The following FAP variants were observed in gnomAD, a reference collection of about 807,000 sequenced individuals.
The protein encoded by FAP is prolyl endopeptidase FAP.
A neutral mutation model predicts 126.5 loss-of-function variants in FAP; 110 were observed. The ratio of observed to expected loss-of-function variants is 0.87; its 90% confidence interval spans 0.74 to 1.02. FAP has a LOEUF of 1.02. Ranked by LOEUF, FAP falls within the 50% of genes least tolerant of loss-of-function variation. FAP has a pLI of 0.00. For missense variants in FAP, 919 were observed against 909.2 expected (o/e 1.01, Z -0.14); for synonymous variants, 334 against 297.3 (o/e 1.12, Z -1.27).
intron 9 of FAP, among the ~76,000 whole-genome samples, chr2:162,216,956 C>T (rs374350627): frequency 3.3e-5 from 5 of 152,190 alleles, no homozygotes; most frequent in South Asian, 2.1e-4. Flanking sequence ...CTGGGTTCCC[C>T]GTCTCTTCCT....
At chr2:162,189,275 C>CAATT in intron 18 of FAP, 103 bp from the exon 19 acceptor site, 1 of 597,026 alleles carries the variant, frequency 1.7e-6, no homozygotes, top group Non-Finnish European at 2.8e-6. Flanking sequence ...TTTTCAACTA[C>CAATT]TAAATTGTTA....
Position 162,215,927 on chromosome 2 carries a change from T to C in FAP, c.837A>G (p.Glu279=), listed in dbSNP as rs1057211311. Residue 279 remains glutamate, a synonymous_variant, in exon 10 of 26, where the codon GAA becomes GAG. Transcript: ENST00000188790. ...TTYPAYVGPQ[E]VPVPAMIASS... ...AGGCTATCATTGCTGGAACAGGCAC[T>C]TCCTGGGGACCTACATACGCAGGGT... 3.1e-6 allele frequency: 5 copies of C among 1,613,920 alleles called. No homozygotes were observed. The highest frequency in any genetic ancestry group is 1.3e-5 in the African/African-American group (1 of 74,922).
At position 162,174,853 on chromosome 2, in the gene FAP, G is replaced by A; in HGVS notation, c.1969+14C>T. 1 of 1,543,762 alleles carries A rather than the reference G, an allele frequency of 6.5e-7. No individual in the cohort carries two copies. Among genetic ancestry groups the A allele is most frequent in the Non-Finnish European group, 9.0e-7 (1 of 1,116,788 alleles). On this transcript the variant is annotated intron_variant, in intron 22 of 25. Transcript: ENST00000188790. The stretch of plus-strand genomic sequence containing the variant: ...TAAATGCTTTCACAGTAACATTAAT[G>A]AATGTTTCCATACCGTAATATTCCC...
chr2:162,223,635 G>A lies in FAP; in HGVS notation c.386C>T (p.Thr129Ile). The change falls in exon 6 of 26, where the codon ACA (threonine) becomes ATA (isoleucine). Residue 129 changes from threonine (T) to isoleucine (I), a missense_variant. Transcript: ENST00000188790. Reference protein sequence around the residue: ...SKLWRYSYTATYYIYDLSNGE... With the variant: ...SKLWRYSYTAIYYIYDLSNGE... Reference sequence around the variant, plus strand: ...ATTGCTAAGGTCATAGATGTAATATGTTGCTGTGTAAGAGTATCTCCAAAG... The same window carrying A: ...ATTGCTAAGGTCATAGATGTAATATATTGCTGTGTAAGAGTATCTCCAAAG... 1 of 1,609,678 alleles carries A rather than the reference G, an allele frequency of 6.2e-7. No individual in the cohort carries two copies. Among genetic ancestry groups the A allele is most frequent in the Non-Finnish European group, 8.5e-7 (1 of 1,176,248 alleles).
chr2:162,208,129 G>A (rs569741074), intron 12 of FAP, among the ~76,000 whole-genome samples: 2 of 151,602 alleles, frequency 1.3e-5, no homozygotes, highest in Admixed American at 6.6e-5. Context: ...GATGGTGGGC[G>A]CCTGCAATCC....
At chr2:162,173,900 G>C in intron 22 of FAP, 113 bp from the exon 23 acceptor site, 1 of 769,364 alleles carries the variant, frequency 1.3e-6, no homozygotes, top group African/African-American at 1.7e-5. Flanking sequence ...TTGAGCTCTT[G>C]AGGTAAATTC....
intron 15 of FAP, 94 bp downstream of exon 15, chr2:162,200,472 T>C: frequency 4.3e-6 from 3 of 692,874 alleles, no homozygotes; most frequent in South Asian, 1.7e-5. Flanking sequence ...TTATGTGCCA[T>C]ACTTTAAAAA....
chr2:162,220,039 C>T (rs932203239), intron 6 of FAP, 114 bp from the exon 7 acceptor site: 2 of 716,262 alleles, frequency 2.8e-6, no homozygotes, highest in African/African-American at 1.8e-5. Context: ...ATCATTCCCT[C>T]TGCACCCACA....
chr2:162,215,418 AC>A (rs1274452196), intron 10 of FAP, among the ~76,000 whole-genome samples: 2 of 152,234 alleles, frequency 1.3e-5, no homozygotes, highest in East Asian at 3.9e-4. Context: ...AGAATCCTTC[AC>A]GTCCCTGCCT....
chr2:162,242,399 T>G (rs1175998337), intron 2 of FAP, among the ~76,000 whole-genome samples: 1 of 152,182 alleles, frequency 6.6e-6, no homozygotes. Flanking sequence ...GCAGTGCTAC[T>G]ACATCTAAAA....
chr2:162,235,320 G>C (rs1057272943), intron 2 of FAP, among the ~76,000 whole-genome samples: 1 of 152,226 alleles, frequency 6.6e-6, no homozygotes, highest in African/African-American at 2.4e-5. Flanking sequence ...CGGGACTGGC[G>C]GGCAGCTCCA....
chr2:162,216,006 CA>C lies in FAP; in HGVS notation c.763-6del, dbSNP rs1324487904. On this transcript the variant is annotated splice_region_variant and splice_polypyrimidine_tract_variant and intron_variant, in intron 9 of 25. Transcript: ENST00000188790. ...AACGGGATTCTTAGCTCCAGCCTGC[CA>C]AGAAAATTGAGATATATAAGCTCAT... 6.2e-7 allele frequency: 1 copy of C among 1,608,702 alleles called. No homozygotes were observed. Among genetic ancestry groups the C allele is most frequent in the Admixed American group, 1.7e-5 (1 of 59,918 alleles).
chr2:162,220,349 C>T (rs1689337758), intron 6 of FAP, among the ~76,000 whole-genome samples: 1 of 152,132 alleles, frequency 6.6e-6, no homozygotes, highest in Admixed American at 6.5e-5. Context: ...TCCTTTTAAC[C>T]CCTGGGATTG....
intron 18 of FAP, 101 bp from the exon 19 acceptor site, chr2:162,189,273 T>C: frequency 3.3e-6 from 2 of 602,396 alleles, no homozygotes; most frequent in Middle Eastern, 3.1e-4. Context: ...AATTTTCAAC[T>C]ACTAAATTGT....
chr2:162,202,553 T>G (rs2106247605), intron 14 of FAP, among the ~76,000 whole-genome samples: 1 of 152,346 alleles, frequency 6.6e-6, no homozygotes, highest in South Asian at 2.1e-4. Context: ...TCCAGGGAAT[T>G]TTGAAACTTG....
At chr2:162,189,295 G>A (rs1278994831) in intron 18 of FAP, 123 bp from the exon 19 acceptor site, 2 of 521,352 alleles carry the variant, frequency 3.8e-6, no homozygotes, top group African/African-American at 4.0e-5. Flanking sequence ...AAGAATTTAG[G>A]ATATATTTAA....
At chr2:162,179,812 A>ATATTT (rs1491388012) in intron 21 of FAP, among the ~76,000 whole-genome samples, 3 of 90,524 alleles carry the variant, frequency 3.3e-5, no homozygotes, top group Non-Finnish European at 5.0e-5. Flanking sequence ...ATATATATAT[A>ATATTT]TTTTTTTTTT....
intron 20 of FAP, among the ~76,000 whole-genome samples, chr2:162,184,544 G>C (rs577505925): frequency 6.6e-6 from 1 of 152,328 alleles, no homozygotes; most frequent in Non-Finnish European, 1.5e-5. Context: ...AAATGCCCGG[G>C]ACAAACAGAT....
intron 4 of FAP, 134 bp downstream of exon 4, chr2:162,225,349 G>A: frequency 9.1e-7 from 1 of 1,102,774 alleles, no homozygotes; most frequent in Non-Finnish European, 1.3e-6. Flanking sequence ...GACAGAACGG[G>A]AAGACTCTAG....
Sources: allele counts gnomAD v4.1 joint callset (sites outside exome capture counted in the v4.1 genomes callset), GRCh38; gene constraint gnomAD v4.1.1; transcripts MANE v1.5; gene names NCBI Gene and HGNC (gene_info 2026-07-23, HGNC 2026-07-21).